Variants in PTPRD observed in about 807,000 individuals in gnomAD.
PTPRD encodes receptor-type tyrosine-protein phosphatase delta.
In PTPRD, 34 loss-of-function variants were observed where a neutral mutation model predicts 214.5. The observed-to-expected ratio is 0.16, with a 90% confidence interval of 0.12 to 0.21. PTPRD has a LOEUF of 0.21. Ranked by LOEUF, PTPRD falls within the 10% of genes least tolerant of loss-of-function variation. The pLI is 1.00. For missense variants in PTPRD, 2,545 were observed against 2,398.7 expected, an observed-to-expected ratio of 1.06 and a Z score of -1.27; for synonymous variants, 1,128 against 845.7, an observed-to-expected ratio of 1.33 and a Z score of -5.79.
intron 2 of PTPRD, among the ~76,000 whole-genome samples, chr9:10,343,220 G>A (rs1198021573): frequency 6.6e-6 from 1 of 151,712 alleles, no homozygotes; most frequent in East Asian, 2.0e-4. Context: ...GAGTGAGAAC[G>A]TGCGATGTTT....
chr9:10,012,804 G>C (rs1330763115), intron 4 of PTPRD, among the ~76,000 whole-genome samples: 1 of 151,846 alleles, frequency 6.6e-6, no homozygotes, highest in Non-Finnish European at 1.5e-5. Context: ...GCTTGCATAG[G>C]TATTGAATCA....
intron 3 of PTPRD, among the ~76,000 whole-genome samples, chr9:10,291,692 C>T (rs548217006): frequency 1.3e-5 from 2 of 152,066 alleles, no homozygotes; most frequent in Non-Finnish European, 2.9e-5. Context: ...GAAAGCAGCC[C>T]TGAAGATACC....
At chr9:8,934,498 T>A (rs78739010) in intron 11 of PTPRD, among the ~76,000 whole-genome samples, 805 of 30,894 alleles carry the variant, frequency 0.026, 66 homozygotes, top group Non-Finnish European at 0.036. Context: ...TATATAAATA[T>A]ATATATAAAT....
intron 10 of PTPRD, among the ~76,000 whole-genome samples, chr9:9,105,271 C>T (rs778014706): frequency 2.0e-5 from 3 of 152,174 alleles, no homozygotes; most frequent in Non-Finnish European, 4.4e-5. Flanking sequence ...GCCAACTCAG[C>T]ATTGTTTTCA....
At chr9:8,951,295 T>C (rs2099100800) in intron 11 of PTPRD, among the ~76,000 whole-genome samples, 1 of 151,092 alleles carries the variant, frequency 6.6e-6, no homozygotes, top group Non-Finnish European at 1.5e-5. Context: ...CCACTCCTTC[T>C]TAATTATTTC....
At chr9:8,488,969 T>C (rs2097093935) in intron 27 of PTPRD, among the ~76,000 whole-genome samples, 1 of 152,232 alleles carries the variant, frequency 6.6e-6, no homozygotes, top group Admixed American at 6.5e-5. Flanking sequence ...TCCAACGAAC[T>C]GCATAATAAT....
chr9:10,190,864 G>A (rs10958941), intron 3 of PTPRD, among the ~76,000 whole-genome samples: 1 of 151,996 alleles, frequency 6.6e-6, no homozygotes, highest in Admixed American at 6.6e-5. Flanking sequence ...CAGGGTATGG[G>A]GTTTACCTGT....
chr9:9,704,926 T>G (rs2097570979), intron 7 of PTPRD, among the ~76,000 whole-genome samples: 1 of 152,204 alleles, frequency 6.6e-6, no homozygotes, highest in South Asian at 2.1e-4. Context: ...TCCAAAATTC[T>G]TGACCCCAAA....
chr9:9,811,341 C>G (rs1440282013), intron 5 of PTPRD, among the ~76,000 whole-genome samples: 1 of 152,138 alleles, frequency 6.6e-6, no homozygotes, highest in Admixed American at 6.5e-5. Flanking sequence ...CAAGTGGAGC[C>G]TGAAGATGGG....
At chr9:8,536,645 C>T (rs1488319045) in intron 14 of PTPRD, among the ~76,000 whole-genome samples, 1 of 151,900 alleles carries the variant, frequency 6.6e-6, no homozygotes, top group Non-Finnish European at 1.5e-5. Flanking sequence ...TACCTTTAGC[C>T]CTTCTGTAAT....
chr9:10,107,562 T>C (rs191890342), intron 3 of PTPRD, among the ~76,000 whole-genome samples: 8 of 152,230 alleles, frequency 5.3e-5, no homozygotes, highest in Admixed American at 5.2e-4. Flanking sequence ...GCATGAATGA[T>C]GATGCTAAGT....
chr9:9,103,426 A>C (rs980895436), intron 10 of PTPRD, among the ~76,000 whole-genome samples: 1 of 152,152 alleles, frequency 6.6e-6, no homozygotes, highest in Non-Finnish European at 1.5e-5. Context: ...TTTCGTAAGT[A>C]ATTATGGAGT....
At chr9:8,336,884 A>T (rs1847436817) in intron 43 of PTPRD, among the ~76,000 whole-genome samples, 1 of 152,248 alleles carries the variant, frequency 6.6e-6, no homozygotes, top group South Asian at 2.1e-4. Context: ...AATGCAAATC[A>T]AAACCACAAT....
intron 11 of PTPRD, among the ~76,000 whole-genome samples, chr9:8,899,015 T>A (rs2098643240): frequency 6.6e-6 from 1 of 152,200 alleles, no homozygotes; most frequent in African/African-American, 2.4e-5. Context: ...ATTTGTCATT[T>A]TGGATTATCT....
chr9:8,316,078 A>G lies in PTPRD; in HGVS notation c.*1796T>C, dbSNP rs926868150. Reference sequence around the variant, plus strand: ...TGTTCCAGAGCGGATTTGGAAGGGAATATAAATAAAACAAGTAGCTTTTTC... The same window carrying G: ...TGTTCCAGAGCGGATTTGGAAGGGAGTATAAATAAAACAAGTAGCTTTTTC... On this transcript the variant is annotated 3_prime_UTR_variant, in exon 46 of 46. Transcript: ENST00000381196. 1.3e-5 allele frequency: 3 copies of G among 229,086 alleles called. No individual in the cohort carries two copies. The Middle Eastern group carries it at 3.8e-3, about 291-fold the overall frequency. The allele number at this position is 229,086 out of a possible 1,614,324, so 14.2% of individuals were successfully genotyped here.
intron 5 of PTPRD, among the ~76,000 whole-genome samples, chr9:9,797,671 C>A (rs1227238072): frequency 6.6e-6 from 1 of 151,890 alleles, no homozygotes; most frequent in Admixed American, 6.6e-5. Flanking sequence ...TATGGTGAAA[C>A]CCTGTCTCTA....
intron 14 of PTPRD, among the ~76,000 whole-genome samples, chr9:8,563,223 G>T (rs186792668): frequency 6.6e-6 from 1 of 152,194 alleles, no homozygotes; most frequent in African/African-American, 2.4e-5. Flanking sequence ...CCTGGGAAGC[G>T]TATTGGTGAG....
At chr9:10,417,150 T>C (rs114656685) in intron 2 of PTPRD, among the ~76,000 whole-genome samples, 1,522 of 151,960 alleles carry the variant, frequency 0.01, 25 homozygotes, top group African/African-American at 0.034. Flanking sequence ...ATGTTTCCAA[T>C]TTATGGCAAG....
intron 39 of PTPRD, 83 bp from the exon 40 acceptor site, chr9:8,342,061 T>A (rs1852940016): frequency 7.5e-7 from 1 of 1,332,816 alleles, no homozygotes; most frequent in Admixed American, 2.8e-5. Flanking sequence ...TTATTCTTAT[T>A]AACTAGACCT....
Sources: gnomAD v4.1 joint callset for allele counts (sites outside exome capture counted in the v4.1 genomes callset) on GRCh38, gnomAD v4.1.1 for gene constraint, MANE v1.5 for transcripts, NCBI Gene and HGNC (gene_info 2026-07-23, HGNC 2026-07-21) for gene names.